Variants in XKR4 observed in about 807,000 individuals in gnomAD.
XKR4 encodes the protein XK related 4.
In XKR4, 12 loss-of-function variants were observed where a neutral mutation model predicts 53.9. The observed-to-expected ratio is 0.22, with a 90% CI of 0.14 to 0.36. XKR4 has a LOEUF of 0.36. Among genes scored for constraint, XKR4 ranks in the 10% least tolerant of loss-of-function variants. XKR4 has a pLI of 1.00. For synonymous variants in XKR4, 354 were observed against 362.4 expected (o/e 0.98, Z 0.26); for missense variants, 799 against 859.5 (o/e 0.93, Z 0.88).
At chr8:55,359,741 G>C (rs1803872608) in intron 2 of XKR4, among the ~76,000 whole-genome samples, 1 of 152,120 alleles carries the variant, frequency 6.6e-6, no homozygotes, top group African/African-American at 2.4e-5. Flanking sequence ...GAAGGTGAGA[G>C]AGGGATCTGA....
At chr8:55,187,076 T>C (rs1490455497) in intron 1 of XKR4, among the ~76,000 whole-genome samples, 8 of 152,088 alleles carry the variant, frequency 5.3e-5, no homozygotes, top group African/African-American at 1.9e-4. Context: ...TCATGCACAG[T>C]TTAGTACAGG....
intron 1 of XKR4, among the ~76,000 whole-genome samples, chr8:55,286,132 C>A (rs1473628486): frequency 1.3e-5 from 2 of 152,166 alleles, no homozygotes; most frequent in South Asian, 2.1e-4. Flanking sequence ...TGTCAAAGAG[C>A]CCCAGTGCAA....
intron 1 of XKR4, among the ~76,000 whole-genome samples, chr8:55,145,876 A>T (rs1240953192): frequency 2.0e-5 from 3 of 152,170 alleles, no homozygotes; most frequent in African/African-American, 7.2e-5. Context: ...TCATGGGGAG[A>T]TTTGAGTGGT....
intron 2 of XKR4, among the ~76,000 whole-genome samples, chr8:55,488,236 A>G (rs1223657047): frequency 6.6e-6 from 1 of 152,230 alleles, no homozygotes; most frequent in East Asian, 1.9e-4. Context: ...ATGCGGGGCA[A>G]CAGGAACTCT....
intron 1 of XKR4, chr8:55,135,196 A>G: frequency 6.5e-6 from 1 of 154,406 alleles, no homozygotes; most frequent in Non-Finnish European, 1.4e-5. Flanking sequence ...TCACAATTAC[A>G]TTTGCACCAC....
chr8:55,420,354 T>C (rs1322911797), intron 2 of XKR4, among the ~76,000 whole-genome samples: 2 of 152,068 alleles, frequency 1.3e-5, no homozygotes, highest in East Asian at 1.9e-4. Context: ...TATTGTGGCA[T>C]TATTCACAAT....
chr8:55,303,782 C>T (rs1270490024), intron 1 of XKR4, among the ~76,000 whole-genome samples: 25 of 152,084 alleles, frequency 1.6e-4, no homozygotes, highest in Admixed American at 3.9e-4. Flanking sequence ...AGTTTATTTG[C>T]GTAGACGTGT....
At chr8:55,464,805 A>T (rs541290302) in intron 2 of XKR4, among the ~76,000 whole-genome samples, 1 of 152,340 alleles carries the variant, frequency 6.6e-6, no homozygotes, top group African/African-American at 2.4e-5. Context: ...ATACAAAATC[A>T]ATGTACAAAA....
chr8:55,481,789 G>GA (rs1457961486), intron 2 of XKR4, among the ~76,000 whole-genome samples: 1 of 152,094 alleles, frequency 6.6e-6, no homozygotes, highest in East Asian at 1.9e-4. Flanking sequence ...AAAGACACAT[G>GA]AAAAAATGCT....
chr8:55,489,566 C>T (rs1404333630), intron 2 of XKR4, among the ~76,000 whole-genome samples: 1 of 151,800 alleles, frequency 6.6e-6, no homozygotes, highest in Non-Finnish European at 1.5e-5. Context: ...GTCAGTTACC[C>T]TCTTAGACCT....
At chr8:55,361,246 C>T (rs1362685971) in intron 2 of XKR4, among the ~76,000 whole-genome samples, 3 of 152,074 alleles carry the variant, frequency 2.0e-5, no homozygotes, top group Non-Finnish European at 4.4e-5. Context: ...ATCCCTTATC[C>T]TCACTAGGAG....
chr8:55,347,666 A>G lies in XKR4; in HGVS notation c.807-10012A>G, dbSNP rs192441214. 3.3e-5 allele frequency among the ~76,000 whole-genome samples: 5 copies of G among 152,330 alleles called. No homozygotes were observed. The East Asian group carries it at 9.6e-4, about 29-fold the overall frequency. ...TACCTCTGAAGAGGAGGCAGAACACATTGACATTTCAGAGAGGGCTTTTAT... is the reference window on the plus strand; with the variant it reads ...TACCTCTGAAGAGGAGGCAGAACACGTTGACATTTCAGAGAGGGCTTTTAT... On this transcript the variant is annotated intron_variant, in intron 1 of 2. Transcript: ENST00000327381.
At chr8:55,495,305 C>A (rs1349533113) in intron 2 of XKR4, among the ~76,000 whole-genome samples, 1 of 152,164 alleles carries the variant, frequency 6.6e-6, no homozygotes, top group Admixed American at 6.5e-5. Context: ...CCCCCAAGAG[C>A]ACAGAGATGC....
At position 55,531,498 on chromosome 8, in the gene XKR4, A is replaced by G. The variant is rs901349391; in HGVS notation, c.*7271A>G. On this transcript the variant is annotated 3_prime_UTR_variant, in exon 3 of 3. Transcript: ENST00000327381. ...TAATGATGATGAACATAAAGTAACAATACAAATACAAAAAAAAAACTAGAT... is the reference window on the plus strand; with the variant it reads ...TAATGATGATGAACATAAAGTAACAGTACAAATACAAAAAAAAAACTAGAT... 6.6e-6 allele frequency: 1 copy of G among 152,040 alleles called. No homozygotes were observed. Among genetic ancestry groups the G allele is most frequent in the African/African-American group, 2.4e-5 (1 of 41,316 alleles). 9.4% of individuals were successfully genotyped at this position (152,040 alleles called of 1,614,324 possible). A position where few individuals can be genotyped will look rare whatever the true frequency, so the allele number is the denominator to read the frequency against.
intron 1 of XKR4, among the ~76,000 whole-genome samples, chr8:55,323,398 C>A (rs770353891): frequency 1.3e-5 from 2 of 152,160 alleles, no homozygotes; most frequent in Non-Finnish European, 2.9e-5. Context: ...GTTTTTTTCT[C>A]TCTATAGTTT....
chr8:55,131,855 A>G (rs1816559462), intron 1 of XKR4, among the ~76,000 whole-genome samples: 1 of 152,072 alleles, frequency 6.6e-6, no homozygotes, highest in Non-Finnish European at 1.5e-5. Context: ...GACTGCAGGC[A>G]TTGGGCCACC....
intron 1 of XKR4, among the ~76,000 whole-genome samples, chr8:55,249,259 T>C (rs1314533922): frequency 6.6e-6 from 1 of 152,238 alleles, no homozygotes; most frequent in Admixed American, 6.5e-5. Flanking sequence ...GGGAAGTCAC[T>C]GGAGACAAAG....
chr8:55,293,010 C>T (rs1819051762), intron 1 of XKR4, among the ~76,000 whole-genome samples: 1 of 151,710 alleles, frequency 6.6e-6, no homozygotes, highest in African/African-American at 2.4e-5. Flanking sequence ...TTAGTGTTGC[C>T]AACTGCCATT....
chr8:55,118,670 G>T (rs7822604), intron 1 of XKR4, among the ~76,000 whole-genome samples: 10 of 152,132 alleles, frequency 6.6e-5, no homozygotes, highest in African/African-American at 2.4e-4. Context: ...CCTTGTTCCC[G>T]TTCAAAAGAT....
Sources: gnomAD v4.1 joint callset for allele counts (sites outside exome capture counted in the v4.1 genomes callset) on GRCh38, gnomAD v4.1.1 for gene constraint, MANE v1.5 for transcripts, NCBI Gene and HGNC (gene_info 2026-07-23, HGNC 2026-07-21) for gene names.